The following MECOM variants were observed in gnomAD, a reference collection of about 807,000 sequenced individuals.
The protein encoded by MECOM is MDS1 and EVI1 complex locus, also known as histone-lysine N-methyltransferase MECOM.
MECOM carries 13 observed loss-of-function variants against 116.3 expected under a neutral mutation model. The observed-to-expected ratio is 0.11, with a 90% CI of 0.07 to 0.18. MECOM has a LOEUF of 0.18. Among genes scored for constraint, MECOM ranks in the 10% least tolerant of loss-of-function variants. The probability of loss-of-function intolerance (pLI) is 1.00; values close to 1 mark genes in which losing one functional copy is unlikely to be tolerated. For synonymous variants in MECOM, 528 were observed against 535.2 expected, an observed-to-expected ratio of 0.99 and a Z score of 0.19; for missense variants, 1,299 against 1,509.0, an observed-to-expected ratio of 0.86 and a Z score of 2.31.
intron 2 of MECOM, among the ~76,000 whole-genome samples, chr3:169,210,160 T>A (rs1750524961): frequency 6.6e-6 from 1 of 151,502 alleles, no homozygotes; most frequent in Non-Finnish European, 1.5e-5. Flanking sequence ...GGGAGGGGAA[T>A]AACACACACT....
At chr3:169,286,543 C>T (rs535010075) in intron 2 of MECOM, among the ~76,000 whole-genome samples, 2 of 152,084 alleles carry the variant, frequency 1.3e-5, no homozygotes, top group Non-Finnish European at 2.9e-5. Flanking sequence ...GACAACGCTC[C>T]CTGCAAGGAA....
chr3:169,659,579 TC>T (rs1197608448), intron 1 of MECOM, among the ~76,000 whole-genome samples: 1 of 149,948 alleles, frequency 6.7e-6, no homozygotes, highest in Non-Finnish European at 1.5e-5. Context: ...TAAACCGCCT[TC>T]CTAGAAGGGG....
intron 1 of MECOM, among the ~76,000 whole-genome samples, chr3:169,403,189 C>T (rs939930990): frequency 6.6e-6 from 1 of 152,182 alleles, no homozygotes; most frequent in African/African-American, 2.4e-5. Flanking sequence ...TGGGTGGCTC[C>T]CCAGCCCACA....
chr3:169,477,105 GTATATATATATATATATATATATA>G (rs1166256593), intron 1 of MECOM: 1 of 59,546 alleles, frequency 1.7e-5, no homozygotes, highest in Non-Finnish European at 2.9e-5. Context: ...GTGTGTGTGT[GTATATATATATATATATATATATA>G]TATATATATA....
chr3:169,583,480 C>T (rs921469185), intron 1 of MECOM, among the ~76,000 whole-genome samples: 1 of 152,092 alleles, frequency 6.6e-6, no homozygotes, highest in Non-Finnish European at 1.5e-5. Flanking sequence ...CTTTCCCTCC[C>T]TCTCTCTTTC....
intron 1 of MECOM, among the ~76,000 whole-genome samples, chr3:169,384,857 C>G (rs55953110): frequency 0.049 from 7,452 of 152,106 alleles, 247 homozygotes; most frequent in East Asian, 0.12. Flanking sequence ...AACCCTAGCA[C>G]TTTGGGAGGC....
intron 2 of MECOM, among the ~76,000 whole-genome samples, chr3:169,377,700 A>G (rs921261925): frequency 6.6e-6 from 1 of 152,228 alleles, no homozygotes; most frequent in Non-Finnish European, 1.5e-5. Context: ...GTGGACAAAT[A>G]GGAATGATTT....
intron 2 of MECOM, among the ~76,000 whole-genome samples, chr3:169,297,533 T>G (rs2149707250): frequency 6.6e-6 from 1 of 152,318 alleles, no homozygotes; most frequent in Non-Finnish European, 1.5e-5. Context: ...AACTGATTTT[T>G]TTTTTTTAAC....
intron 2 of MECOM, among the ~76,000 whole-genome samples, chr3:169,356,589 T>C (rs528347685): frequency 2.6e-5 from 4 of 151,984 alleles, no homozygotes; most frequent in Admixed American, 6.6e-5. Flanking sequence ...TTCTGACATG[T>C]CATCTGAATT....
chr3:169,584,689 T>A (rs925394144), intron 1 of MECOM, among the ~76,000 whole-genome samples: 1 of 152,172 alleles, frequency 6.6e-6, no homozygotes, highest in African/African-American at 2.4e-5. Flanking sequence ...ATACTACTGG[T>A]AAACTACTGT....
At chr3:169,178,941 A>G (rs1005345431) in intron 2 of MECOM, among the ~76,000 whole-genome samples, 1 of 152,220 alleles carries the variant, frequency 6.6e-6, no homozygotes, top group Non-Finnish European at 1.5e-5. Context: ...TAATCATGAA[A>G]TTACAGTTTG....
At chr3:169,207,186 A>G (rs1750052127) in intron 2 of MECOM, among the ~76,000 whole-genome samples, 1 of 152,196 alleles carries the variant, frequency 6.6e-6, no homozygotes, top group Non-Finnish European at 1.5e-5. Context: ...GTGCATATAA[A>G]TGTCTGGAGA....
intron 1 of MECOM, among the ~76,000 whole-genome samples, chr3:169,494,336 C>G (rs1361003189): frequency 6.6e-6 from 1 of 152,058 alleles, no homozygotes; most frequent in Non-Finnish European, 1.5e-5. Context: ...CCAGTTCTTC[C>G]TCTCTGGCTC....
chr3:169,184,411 G>A (rs1746442934), intron 2 of MECOM, among the ~76,000 whole-genome samples: 1 of 152,210 alleles, frequency 6.6e-6, no homozygotes, highest in African/African-American at 2.4e-5. Flanking sequence ...GGCAGAGAAA[G>A]GGGAGAAATG....
intron 2 of MECOM, among the ~76,000 whole-genome samples, chr3:169,204,818 C>T (rs1190709944): frequency 1.3e-5 from 2 of 152,150 alleles, no homozygotes; most frequent in Non-Finnish European, 2.9e-5. Context: ...AAACACTCAT[C>T]TAAATCTGTA....
intron 1 of MECOM, among the ~76,000 whole-genome samples, chr3:169,607,296 C>A (rs1350947098): frequency 1.3e-5 from 2 of 152,096 alleles, no homozygotes; most frequent in African/African-American, 4.8e-5. Flanking sequence ...CTCCAACAGA[C>A]AAAGCACATA....
rs1255613781 is a variant in MECOM, at chr3:169,594,174, A to AAAAAAAAAAAAAAAAAAAAAAAAAC, written c.37+69161_37+69162insGTTTTTTTTTTTTTTTTTTTTTTTT. Reference sequence around the variant, plus strand: ...CACCACAAAAAAAAAAAAAAAAAAAAAACACCTTTTCACCTAAGTACCTCA... The same window carrying AAAAAAAAAAAAAAAAAAAAAAAAAC: ...CACCACAAAAAAAAAAAAAAAAAAAAAAAAAAAAAAAAAAAAAAAAAAAACAACACCTTTTCACCTAAGTACCTCA... On this transcript the variant is annotated intron_variant, in intron 1 of 16. Transcript: ENST00000651503. Among the ~76,000 whole-genome samples the AAAAAAAAAAAAAAAAAAAAAAAAAC allele has an allele frequency of 7.0e-4, 88 of 125,932 alleles. 4 individuals are homozygous for AAAAAAAAAAAAAAAAAAAAAAAAAC. The highest frequency in any genetic ancestry group is 8.3e-4 in the Non-Finnish European group (51 of 61,704). The allele number at this position is 125,932 out of a possible 152,430, so 82.6% of individuals were successfully genotyped here. A position where few individuals can be genotyped will look rare whatever the true frequency, so the allele number is the denominator to read the frequency against.
At chr3:169,378,456 A>AGAAAGAAAGAAAGAAAGAAG (rs1175583874) in intron 2 of MECOM, among the ~76,000 whole-genome samples, 3 of 51,658 alleles carry the variant, frequency 5.8e-5, no homozygotes, top group Non-Finnish European at 9.9e-5. Context: ...AAAGAAGGAA[A>AGAAAGAAAGAAAGAAAGAAG]GCAAGCAAGC....
rs1312548363 is a variant in MECOM at position 169,088,995 on chromosome 3, T to C, written c.3585+5A>G. 1.3e-6 allele frequency: 2 copies of C among 1,579,130 alleles called. No individual in the cohort carries two copies. The highest frequency in any genetic ancestry group is 4.6e-5 in the East Asian group (2 of 43,592). On this transcript the variant is annotated splice_donor_5th_base_variant and intron_variant, in intron 16 of 16. Transcript: ENST00000651503. The stretch of plus-strand genomic sequence containing the variant: ...CATGATGCTGTACTATGGGAAAATC[T>C]GTACCTGCGATTTGGACTTTCTGTG...
Sources: allele counts gnomAD v4.1 joint callset (sites outside exome capture counted in the v4.1 genomes callset), GRCh38; gene constraint gnomAD v4.1.1; transcripts MANE v1.5; gene names NCBI Gene and HGNC (gene_info 2026-07-23, HGNC 2026-07-21).